The following XPR1 variants were observed in gnomAD, a reference collection of about 807,000 sequenced individuals.
XPR1 encodes solute carrier family 53 member 1.
Under a neutral mutation model 87.5 loss-of-function variants are expected in XPR1, and 28 were observed. That is an observed-to-expected ratio of 0.32 (90% CI 0.24 to 0.44). The LOEUF (loss-of-function observed/expected upper bound fraction) is 0.44, where lower values mean the gene tolerates loss of function less well. Among genes scored for constraint, XPR1 ranks in the 20% least tolerant of loss-of-function variants. The pLI is 1.00. For missense variants in XPR1, 559 were observed against 862.3 expected (o/e 0.65, Z 4.41); for synonymous variants, 300 against 306.1 (o/e 0.98, Z 0.21).
At chr1:180,673,077 A>G (rs1325977796) in intron 1 of XPR1, among the ~76,000 whole-genome samples, 1 of 152,202 alleles carries the variant, frequency 6.6e-6, no homozygotes, top group Non-Finnish European at 1.5e-5. Context: ...TAATATTTAT[A>G]GTATGTTGTG....
rs530015626 is a variant in XPR1 at position 180,754,334 on chromosome 1, A to C, written c.122-33419A>C. On this transcript the variant is annotated intron_variant, in intron 2 of 14. Coordinates refer to ENST00000367590, the MANE Select transcript of XPR1 (RefSeq NM_004736.4). Reference sequence around the variant, plus strand: ...CCCCTCTAGTTTTATATACATGTGAAATTTTCCACAATAAAAAGTTTTTTT... The same window carrying C: ...CCCCTCTAGTTTTATATACATGTGACATTTTCCACAATAAAAAGTTTTTTT... Among the ~76,000 whole-genome samples, 3 of 152,288 alleles carry C rather than the reference A, an allele frequency of 2.0e-5. No individual in the cohort carries two copies. In the South Asian group the frequency reaches 6.2e-4, roughly 32 times the overall value.
intron 1 of XPR1, among the ~76,000 whole-genome samples, chr1:180,652,861 G>A (rs938383494): frequency 6.6e-5 from 10 of 152,262 alleles, no homozygotes; most frequent in Admixed American, 1.3e-4. Context: ...TGTAGCATGC[G>A]TTTCGGAGCT....
intron 2 of XPR1, among the ~76,000 whole-genome samples, chr1:180,780,654 A>G (rs1168443870): frequency 6.7e-6 from 1 of 149,240 alleles, no homozygotes; most frequent in Non-Finnish European, 1.5e-5. Flanking sequence ...TGTAGTCCCA[A>G]CTACTGGGGA....
intron 1 of XPR1, among the ~76,000 whole-genome samples, chr1:180,666,135 G>A (rs1235323232): frequency 6.6e-6 from 1 of 152,114 alleles, no homozygotes; most frequent in African/African-American, 2.4e-5. Context: ...TTTATTTGTG[G>A]ACTGTATTCC....
chr1:180,833,871 C>T (rs2102165925), intron 9 of XPR1, among the ~76,000 whole-genome samples: 1 of 152,176 alleles, frequency 6.6e-6, no homozygotes, highest in Non-Finnish European at 1.5e-5. Context: ...AAAATATAGA[C>T]AAGAATTACT....
intron 11 of XPR1, among the ~76,000 whole-genome samples, chr1:180,837,415 T>A (rs1295171359): frequency 6.6e-6 from 1 of 152,222 alleles, no homozygotes; most frequent in African/African-American, 2.4e-5. Context: ...AAAGAGATGT[T>A]ACTAATTGAA....
chr1:180,718,429 A>T (rs904143792), intron 2 of XPR1, among the ~76,000 whole-genome samples: 6 of 152,134 alleles, frequency 3.9e-5, no homozygotes, highest in Admixed American at 3.3e-4. Context: ...ACGTAGTTAA[A>T]TTTGCCCCCA....
At chr1:180,704,816 T>G (rs1657501566) in intron 2 of XPR1, among the ~76,000 whole-genome samples, 1 of 138,580 alleles carries the variant, frequency 7.2e-6, no homozygotes, top group Non-Finnish European at 1.6e-5. Flanking sequence ...TGTTGGTTGT[T>G]TTTTTTTTTT....
At chr1:180,812,675 G>T (rs1650263401) in intron 7 of XPR1, among the ~76,000 whole-genome samples, 1 of 149,806 alleles carries the variant, frequency 6.7e-6, no homozygotes, top group African/African-American at 2.5e-5. Flanking sequence ...TTGACACGGG[G>T]TCTCACACTG....
chr1:180,704,188 T>G (rs1657462070), intron 2 of XPR1, among the ~76,000 whole-genome samples: 1 of 143,096 alleles, frequency 7.0e-6, no homozygotes, highest in East Asian at 2.0e-4. Context: ...AGCTTGTTTC[T>G]ATTCTGACTA....
intron 1 of XPR1, among the ~76,000 whole-genome samples, chr1:180,661,476 C>CGTGTGTGTGTGTGTGTGT (rs60527318): frequency 7.0e-6 from 1 of 142,358 alleles, no homozygotes; most frequent in African/African-American, 2.7e-5. Flanking sequence ...TTTAATTTTT[C>CGTGTGTGTGTGTGTGTGT]GTGTGTGTGT....
At chr1:180,698,363 T>TA (rs1657238312) in intron 2 of XPR1, among the ~76,000 whole-genome samples, 1 of 152,182 alleles carries the variant, frequency 6.6e-6, no homozygotes. Flanking sequence ...GGATCATGTT[T>TA]AAAAAATCCA....
chr1:180,759,471 A>G (rs1361785065), intron 2 of XPR1, among the ~76,000 whole-genome samples: 1 of 152,230 alleles, frequency 6.6e-6, no homozygotes, highest in African/African-American at 2.4e-5. Context: ...CTACCATCAG[A>G]GAATACTACA....
intron 2 of XPR1, among the ~76,000 whole-genome samples, chr1:180,754,788 G>T (rs2102042170): frequency 1.3e-5 from 2 of 152,192 alleles, no homozygotes; most frequent in East Asian, 3.9e-4. Context: ...AAAATATGTG[G>T]TGAGAGTAGG....
chr1:180,810,318 C>T (rs1451550128), intron 6 of XPR1, among the ~76,000 whole-genome samples: 2 of 152,164 alleles, frequency 1.3e-5, no homozygotes, highest in East Asian at 3.9e-4. Context: ...CTGTGGCTTA[C>T]ACCTGTAATC....
At chr1:180,656,408 T>TACATTATATATA (rs1655481213) in intron 1 of XPR1, among the ~76,000 whole-genome samples, 5 of 52,294 alleles carry the variant, frequency 9.6e-5, no homozygotes, top group Admixed American at 3.1e-4. Context: ...TAAATATTTA[T>TACATTATATATA]ATATTTATAT....
At chr1:180,846,135 AC>A (rs1242429032) in intron 11 of XPR1, among the ~76,000 whole-genome samples, 4 of 151,590 alleles carry the variant, frequency 2.6e-5, no homozygotes, top group Admixed American at 2.0e-4. Flanking sequence ...AGTGGCATGC[AC>A]CTGTAATTCC....
chr1:180,659,228 T>C (rs867592114), intron 1 of XPR1, among the ~76,000 whole-genome samples: 189 of 33,142 alleles, frequency 5.7e-3, no homozygotes, highest in Non-Finnish European at 8.6e-3. Context: ...CTTCCTTCCT[T>C]CCTTCCTTCC....
rs147908184 is a variant in XPR1 at position 180,789,646 on chromosome 1, C to T, written c.223+1792C>T. On this transcript the variant is annotated intron_variant, in intron 3 of 14. Coordinates refer to ENST00000367590, the MANE Select transcript of XPR1 (RefSeq NM_004736.4). ...TGTTGCCCAGGCAGGTCTTGAATTC[C>T]TGGGCTCAAGCTGTCTTCTTGCCTC... is the stretch of plus-strand genomic sequence containing the variant. 1.6e-3 allele frequency among the ~76,000 whole-genome samples: 247 copies of T among 151,910 alleles called. 1 individual carries two copies. Among genetic ancestry groups the T allele is most frequent in the African/African-American group, 5.6e-3 (233 of 41,420 alleles).
Sources: gnomAD v4.1 joint callset for allele counts (sites outside exome capture counted in the v4.1 genomes callset) on GRCh38, gnomAD v4.1.1 for gene constraint, MANE v1.5 for transcripts, NCBI Gene and HGNC (gene_info 2026-07-23, HGNC 2026-07-21) for gene names.